Variants in UBAP2L observed in about 807,000 individuals in gnomAD.
UBAP2L encodes ubiquitin associated protein 2 like.
A neutral mutation model predicts 130.6 loss-of-function variants in UBAP2L; 12 were observed. The observed-to-expected ratio is 0.09, with a 90% CI of 0.06 to 0.15. The LOEUF (loss-of-function observed/expected upper bound fraction) is 0.15. UBAP2L is among the 10% of genes least tolerant of loss of function. UBAP2L has a pLI of 1.00. For synonymous variants in UBAP2L, 503 were observed against 524.7 expected, an observed-to-expected ratio of 0.96 and a Z score of 0.57; for missense variants, 965 against 1,332.5, an observed-to-expected ratio of 0.72 and a Z score of 4.29.
At chr1:154,257,457 C>T (rs1680014188) in intron 20 of UBAP2L, 23 bp downstream of exon 20, 3 of 1,611,218 alleles carry the variant, frequency 1.9e-6, no homozygotes, top group Non-Finnish European at 2.5e-6. Flanking sequence ...AAAGGATCTT[C>T]TTCAAAAGGT....
chr1:154,249,880 AAG>A (rs1171632273), intron 12 of UBAP2L, among the ~76,000 whole-genome samples: 1 of 151,716 alleles, frequency 6.6e-6, no homozygotes, highest in African/African-American at 2.4e-5. Context: ...AAAAAAAAAA[AAG>A]AAAAATTTTT....
At chr1:154,254,793 G>A in intron 15 of UBAP2L, 43 bp from the exon 16 acceptor site, 1 of 1,581,234 alleles carries the variant, frequency 6.3e-7, no homozygotes, top group Non-Finnish European at 8.5e-7. Flanking sequence ...ATTCACATGA[G>A]TTTGTCTGTT....
intron 15 of UBAP2L, 40 bp downstream of exon 15, chr1:154,254,129 T>G: frequency 1.4e-6 from 2 of 1,452,542 alleles, no homozygotes; most frequent in South Asian, 1.5e-5. Flanking sequence ...GTTAGGAGAA[T>G]AGTGGGCAAA....
At chr1:154,227,188 G>C in intron 2 of UBAP2L, 94 bp from the exon 3 acceptor site, 1 of 1,055,910 alleles carries the variant, frequency 9.5e-7, no homozygotes, top group Non-Finnish European at 1.5e-6. Context: ...ACAAGGAAAA[G>C]AAAATTGGGG....
chr1:154,253,436 G>A lies in UBAP2L; in HGVS notation c.1665-464G>A, dbSNP rs895565943. 1.6e-3 allele frequency among the ~76,000 whole-genome samples: 243 copies of A among 148,604 alleles called. 4 individuals are homozygous for A. Among genetic ancestry groups the A allele is most frequent in the Non-Finnish European group, 3.4e-4 (23 of 67,712 alleles). ...GTCTCGCTCTGTCACCCAGGCTGGA[G>A]TGCAGTGGCTTGATCTCGGCTCACT... On this transcript the variant is annotated intron_variant, in intron 14 of 26. Transcript: ENST00000428931.
chr1:154,246,346 T>C lies in UBAP2L; in HGVS notation c.985T>C (p.Ser329Pro). Residue 329 changes from serine (S) to proline (P), a missense_variant, in exon 11 of 27, where the codon TCA (serine) becomes CCA (proline). Physicochemically the swap from Ser to Pro is moderately conservative, Grantham distance 74 (BLOSUM62 -1). This residue lies in a region of UBAP2L where 99 missense variants were observed against 106.4 expected (regional missense o/e 0.93). Transcript: ENST00000428931. ...SKQTAISQPASGNTFSHHSMV... is the reference protein window; with the variant it reads ...SKQTAISQPAPGNTFSHHSMV... ...GCAGACTGCCATATCACAGCCTGCT[T>C]CAGGGAACACATTTTCTCATCACAG... 3 of 1,613,286 alleles carry C rather than the reference T, an allele frequency of 1.9e-6. No individual in the cohort carries two copies. The highest frequency in any genetic ancestry group is 2.5e-6 in the Non-Finnish European group (3 of 1,179,656).
At chr1:154,233,915 G>A (rs984890347) in intron 4 of UBAP2L, among the ~76,000 whole-genome samples, 1 of 146,434 alleles carries the variant, frequency 6.8e-6, no homozygotes, top group African/African-American at 2.8e-5. Flanking sequence ...TTGAAAGATA[G>A]GGACCAATAA....
rs905811859 is a variant in UBAP2L at position 154,260,044 on chromosome 1, G to T, written c.2578+15G>T. On this transcript the variant is annotated intron_variant, in intron 22 of 26. Transcript: ENST00000428931. ...CCCTTATTCTGGTAGGATTGGGATGGGACTAAATAAATAAAAAGGGAGATA... is the reference window on the plus strand; with the variant it reads ...CCCTTATTCTGGTAGGATTGGGATGTGACTAAATAAATAAAAAGGGAGATA... 1 of 1,612,616 alleles carries T rather than the reference G, an allele frequency of 6.2e-7. No individual in the cohort carries two copies. Among genetic ancestry groups the T allele is most frequent in the East Asian group, 2.2e-5 (1 of 44,870 alleles).
chr1:154,257,553 A>C, intron 20 of UBAP2L, 119 bp downstream of exon 20: 1 of 1,047,078 alleles, frequency 9.6e-7, no homozygotes, highest in Non-Finnish European at 1.4e-6. Context: ...CAAGCCCTGC[A>C]GTTGGCTCTG....
chr1:154,267,229 C>T (rs941900407), intron 25 of UBAP2L, among the ~76,000 whole-genome samples: 1 of 132,976 alleles, frequency 7.5e-6, no homozygotes, highest in Non-Finnish European at 1.6e-5. Flanking sequence ...GATCTCGGCT[C>T]ACTGCAAACT....
chr1:154,246,222 G>C lies in UBAP2L; in HGVS notation c.861G>C (p.Leu287=). ...CCATTAGAATTGACCTTGCTGTTCT[G>C]CTGGGGAAGACACCATCTACAATGG... The part of the protein sequence containing the change: ...TAGQRIDLAV[L]LGKTPSTMEN... Residue 287 remains leucine, a synonymous_variant, in exon 11 of 27, where the codon CTG becomes CTC. Coordinates refer to ENST00000428931, the MANE Select transcript of UBAP2L (RefSeq NM_014847.4). 1 of 1,611,322 alleles carries C rather than the reference G, an allele frequency of 6.2e-7. No individual in the cohort carries two copies. The highest frequency in any genetic ancestry group is 8.5e-7 in the Non-Finnish European group (1 of 1,178,158).
At chr1:154,255,622 G>A in intron 17 of UBAP2L, 61 bp from the exon 18 acceptor site, 2 of 1,556,692 alleles carry the variant, frequency 1.3e-6, no homozygotes, top group African/African-American at 2.7e-5. Flanking sequence ...GTTCTTGACT[G>A]AAGCTCCAGG....
intron 11 of UBAP2L, among the ~76,000 whole-genome samples, chr1:154,248,151 G>C (rs1254367238): frequency 1.3e-5 from 2 of 151,996 alleles, no homozygotes; most frequent in African/African-American, 4.8e-5. Context: ...ATTTTTAGCA[G>C]AGACAGGGTT....
rs774534697 is a variant in UBAP2L, at chr1:154,241,574, TC to T, written c.756+12del. ...AAGATTGGAATGAAGATGTAGGTATTCCCAGGTCATTCCTCACTAATGCCTT... is the reference window on the plus strand; with the variant it reads ...AAGATTGGAATGAAGATGTAGGTATTCCAGGTCATTCCTCACTAATGCCTT... On this transcript the variant is annotated intron_variant, in intron 9 of 26. Transcript: ENST00000428931. The T allele has an allele frequency of 3.1e-6, 5 of 1,613,986 alleles. No homozygotes were observed. Among genetic ancestry groups the T allele is most frequent in the Non-Finnish European group, 4.2e-6 (5 of 1,179,912 alleles).
chr1:154,220,213 G>GA (rs1665416100), upstream of UBAP2L: 1 of 1,148,778 alleles, frequency 8.7e-7, no homozygotes, highest in Admixed American at 1.8e-5. Context: ...ACCTACTCCT[G>GA]GAATAAGGAG....
rs759202297 is a variant in UBAP2L at position 154,258,826 on chromosome 1, T to C, written c.2443-151T>C. 3.5e-4 allele frequency: 216 copies of C among 620,750 alleles called. 1 individual carries two copies. In the Middle Eastern group the frequency reaches 0.01, roughly 30 times the overall value. 38.5% of individuals were successfully genotyped at this position (620,750 alleles called of 1,614,324 possible). Reference sequence around the variant, plus strand: ...TTAATCTCTGTGTACTTTACTGCTTTTTCCTTAAATAAAATTGAAGGAAAT... The same window carrying C: ...TTAATCTCTGTGTACTTTACTGCTTCTTCCTTAAATAAAATTGAAGGAAAT... On this transcript the variant is annotated intron_variant, in intron 20 of 26. Transcript: ENST00000428931.
rs1238852838 is a variant in UBAP2L at position 154,257,080 on chromosome 1, T to C, written c.2175T>C (p.Ser725=). ...TTTTGAAGCACACAAGTGTGGAGAG[T>C]GAGGCGAATCTCCATTCTTCCTCCA... ...TSTLLHTSVE[S]EANLHSSSST... is the part of the protein sequence containing the mutation. The change falls in exon 19 of 27, where the codon AGT becomes AGC. Residue 725 remains serine (S), a synonymous_variant. Transcript: ENST00000428931. 2.5e-6 allele frequency: 4 copies of C among 1,613,704 alleles called. No individual in the cohort carries two copies. Among genetic ancestry groups the C allele is most frequent in the African/African-American group, 1.3e-5 (1 of 75,026 alleles).
In UBAP2L at chr1:154,246,273, G is replaced by A. The variant is rs765812216; in HGVS notation, c.912G>A (p.Pro304=). The change falls in exon 11 of 27, where the codon CCG becomes CCA. Residue 304 remains proline, a synonymous_variant. Transcript: ENST00000428931. ...TMENDSSNLD[P]SQAPSLAQPL... ...AGAATGATTCATCTAATCTGGATCCGTCTCAGGCTCCTTCTCTGGCCCAGC... is the reference window on the plus strand; with the variant it reads ...AGAATGATTCATCTAATCTGGATCCATCTCAGGCTCCTTCTCTGGCCCAGC... The A allele has an allele frequency of 8.7e-6, 14 of 1,613,680 alleles. No homozygotes were observed. Among genetic ancestry groups the A allele is most frequent in the Admixed American group, 5.0e-5 (3 of 59,994 alleles).
intron 12 of UBAP2L, among the ~76,000 whole-genome samples, chr1:154,249,877 A>G (rs961716898): frequency 1.5e-5 from 2 of 131,674 alleles, no homozygotes; most frequent in African/African-American, 5.5e-5. Context: ...AAAAAAAAAA[A>G]AAAAGAAAAA....
Sources: allele counts gnomAD v4.1 joint callset (sites outside exome capture counted in the v4.1 genomes callset), GRCh38; gene constraint gnomAD v4.1.1; regional missense constraint gnomAD v4.1.1; transcripts MANE v1.5; gene names NCBI Gene and HGNC (gene_info 2026-07-23, HGNC 2026-07-21).